Variants in LRRK1 observed in about 807,000 individuals in gnomAD.
LRRK1 encodes the protein leucine rich repeat kinase 1.
LRRK1 carries 113 observed loss-of-function variants against 209.1 expected under a neutral mutation model. The observed-to-expected ratio is 0.54, with a 90% CI of 0.46 to 0.63. The LOEUF (loss-of-function observed/expected upper bound fraction) is 0.63, where lower values mean the gene tolerates loss of function less well. LRRK1 is among the 30% of genes least tolerant of loss of function. The probability of loss-of-function intolerance (pLI) is 0.00; values close to 1 mark genes in which losing one functional copy is unlikely to be tolerated. For missense variants in LRRK1, 2,284 were observed against 2,632.2 expected, an observed-to-expected ratio of 0.87 and a Z score of 2.89; for synonymous variants, 1,144 against 1,099.7, an observed-to-expected ratio of 1.04 and a Z score of -0.80.
At chr15:101,038,984 T>C (rs909503202) in intron 20 of LRRK1, among the ~76,000 whole-genome samples, 17 of 152,362 alleles carry the variant, frequency 1.1e-4, no homozygotes, top group Non-Finnish European at 2.1e-4. Flanking sequence ...TCTATTTCCA[T>C]GTAAGGTAAC....
intron 2 of LRRK1, among the ~76,000 whole-genome samples, chr15:100,937,955 A>G (rs1203646585): frequency 6.6e-6 from 1 of 151,712 alleles, no homozygotes; most frequent in Non-Finnish European, 1.5e-5. Context: ...GGCTTTAGCG[A>G]TCCTCCTACC....
chr15:100,932,560 A>G (rs758426934), intron 2 of LRRK1, among the ~76,000 whole-genome samples: 38 of 152,214 alleles, frequency 2.5e-4, no homozygotes, highest in Non-Finnish European at 3.7e-4. Context: ...GGATCACAGA[A>G]CAAGCACATT....
intron 6 of LRRK1, among the ~76,000 whole-genome samples, chr15:101,005,150 C>T (rs1342188818): frequency 3.9e-5 from 6 of 152,174 alleles, no homozygotes; most frequent in African/African-American, 1.4e-4. Context: ...CCCCTGAGAC[C>T]TGGGTGTGTC....
intron 6 of LRRK1, among the ~76,000 whole-genome samples, chr15:100,997,663 AG>A (rs1486068648): frequency 6.6e-6 from 1 of 152,228 alleles, no homozygotes; most frequent in Non-Finnish European, 1.5e-5. Flanking sequence ...CGGACACACC[AG>A]GGTCTTGCTG....
At chr15:100,944,064 T>G (rs974888491) in intron 2 of LRRK1, among the ~76,000 whole-genome samples, 1 of 152,062 alleles carries the variant, frequency 6.6e-6, no homozygotes, top group African/African-American at 2.4e-5. Flanking sequence ...GAAGCGGGGC[T>G]GTTAGTGAGG....
intron 20 of LRRK1, among the ~76,000 whole-genome samples, chr15:101,035,464 G>T (rs1259056461): frequency 6.6e-6 from 1 of 152,020 alleles, no homozygotes; most frequent in Non-Finnish European, 1.5e-5. Context: ...CAAGTATAGC[G>T]ATGTCTGCTT....
At chr15:100,940,835 A>G (rs1424920698) in intron 2 of LRRK1, among the ~76,000 whole-genome samples, 1 of 152,220 alleles carries the variant, frequency 6.6e-6, no homozygotes, top group Non-Finnish European at 1.5e-5. Flanking sequence ...GAATCAGGAA[A>G]GCCCAAAGCT....
chr15:100,978,888 C>T (rs1381290022), intron 3 of LRRK1, among the ~76,000 whole-genome samples: 1 of 151,838 alleles, frequency 6.6e-6, no homozygotes, highest in Non-Finnish European at 1.5e-5. Flanking sequence ...TTTTTTAACA[C>T]TTTTATGAAG....
At chr15:101,035,765 G>A (rs2034471628) in intron 20 of LRRK1, among the ~76,000 whole-genome samples, 1 of 151,966 alleles carries the variant, frequency 6.6e-6, no homozygotes, top group South Asian at 2.1e-4. Context: ...TTGTGGTTTG[G>A]TGGTTTTCTG....
At chr15:100,970,102 C>T (rs1014837960) in intron 2 of LRRK1, among the ~76,000 whole-genome samples, 14 of 152,142 alleles carry the variant, frequency 9.2e-5, no homozygotes, top group Admixed American at 3.3e-4. Flanking sequence ...GTTGGCCTGG[C>T]TGGTCTCGTA....
At chr15:101,012,619 T>A (rs1413274460) in intron 10 of LRRK1, among the ~76,000 whole-genome samples, 2 of 152,162 alleles carry the variant, frequency 1.3e-5, no homozygotes, top group African/African-American at 4.8e-5. Flanking sequence ...CCAGGGGCCC[T>A]GTAGTGGACC....
chr15:101,042,500 C>G (rs892577759), intron 20 of LRRK1, among the ~76,000 whole-genome samples: 1 of 152,104 alleles, frequency 6.6e-6, no homozygotes, highest in Non-Finnish European at 1.5e-5. Context: ...AGCCTACTGC[C>G]CCTCCGAGAG....
rs1354410408 is a variant in LRRK1, at chr15:101,066,280, C to A, written c.5768+75C>A. The stretch of plus-strand genomic sequence containing the variant: ...GCTCTGGGGACAGAGCAAGGGGAAG[C>A]CCCCTGGCTTCCTTACAGGTCATGT... On this transcript the variant is annotated intron_variant, in intron 32 of 33. Coordinates refer to ENST00000388948, the MANE Select transcript of LRRK1 (RefSeq NM_024652.6). The A allele has an allele frequency of 2.7e-6, 4 of 1,503,378 alleles. No individual in the cohort carries two copies. The African/African-American group carries it at 4.2e-5, about 16-fold the overall frequency. 93.1% of individuals were successfully genotyped at this position (1,503,378 alleles called of 1,614,324 possible).
intron 22 of LRRK1, 147 bp from the exon 23 acceptor site, chr15:101,049,497 A>T: frequency 1.2e-6 from 1 of 850,736 alleles, no homozygotes; most frequent in Non-Finnish European, 1.8e-6. Flanking sequence ...ACACGTACAT[A>T]CAGGGAGGAG....
chr15:100,971,924 A>G (rs1014958333), intron 2 of LRRK1, among the ~76,000 whole-genome samples: 3 of 151,938 alleles, frequency 2.0e-5, no homozygotes, highest in African/African-American at 7.3e-5. Context: ...ACTCAAGATA[A>G]TGACCTCCAG....
In LRRK1 at chr15:101,008,882, C is replaced by G; in HGVS notation, c.808C>G (p.Leu270Val). The G allele has an allele frequency of 6.2e-7, 1 of 1,614,230 alleles. No individual in the cohort carries two copies. The highest frequency in any genetic ancestry group is 8.5e-7 in the Non-Finnish European group (1 of 1,180,030). ...WSHLRLPWVD[L>V]DWLIDISCQI... ...CCATCTCAGACTGCCCTGGGTAGAC[C>G]TAGACTGGCTCATAGACATCTCCTG... Residue 270 changes from leucine (L) to valine (V), a missense_variant, in exon 7 of 34, where the codon CTA (leucine) becomes GTA (valine). Leu to Val is a conservative substitution (Grantham distance 32, BLOSUM62 1). This residue lies in a region of LRRK1 where 494 missense variants were observed against 522.1 expected (regional missense o/e 0.95). Transcript: ENST00000388948.
Position 101,056,995 on chromosome 15 carries a change from A to G in LRRK1, c.4472A>G (p.Gln1491Arg). 1 of 1,613,982 alleles carries G rather than the reference A, an allele frequency of 6.2e-7. No homozygotes were observed. The highest frequency in any genetic ancestry group is 8.5e-7 in the Non-Finnish European group (1 of 1,179,928). ...GTTCTGGGGCAGCCGGAGGAAGTGC[A>G]GTTCCGGCGACTGCAGGCGCTCATG... ...RPVLGQPEEV[Q>R]FRRLQALMME... Residue 1491 changes from glutamine (Q) to arginine (R), a missense_variant, in exon 28 of 34, where the codon CAG becomes CGG. By Grantham distance (43) the Gln-to-Arg change is conservative. Coordinates refer to ENST00000388948, the MANE Select transcript of LRRK1 (RefSeq NM_024652.6).
At chr15:100,962,342 C>T (rs747961904) in intron 2 of LRRK1, among the ~76,000 whole-genome samples, 5 of 152,010 alleles carry the variant, frequency 3.3e-5, no homozygotes, top group Admixed American at 6.6e-5. Context: ...CCAGCCTGGC[C>T]AATGTGGCGA....
intron 6 of LRRK1, among the ~76,000 whole-genome samples, chr15:101,006,372 TAAAAAAAAA>T (rs56053663): frequency 1.7e-5 from 2 of 114,450 alleles, no homozygotes; most frequent in Admixed American, 8.4e-5. Flanking sequence ...GACAATGTGA[TAAAAAAAAA>T]AAAAAAAAAA....
Sources: allele counts gnomAD v4.1 joint callset (sites outside exome capture counted in the v4.1 genomes callset), GRCh38; gene constraint gnomAD v4.1.1; regional missense constraint gnomAD v4.1.1; transcripts MANE v1.5; gene names NCBI Gene and HGNC (gene_info 2026-07-23, HGNC 2026-07-21).